SF3B3: variants seen among roughly 807,000 people sequenced by gnomAD.
The protein encoded by SF3B3 is splicing factor 3b subunit 3.
A neutral mutation model predicts 139.2 loss-of-function variants in SF3B3; 33 were observed. That is an observed-to-expected ratio of 0.24 (90% confidence interval 0.18 to 0.32). The LOEUF is 0.32. Ranked by LOEUF, SF3B3 falls within the 10% of genes least tolerant of loss-of-function variation. The probability of loss-of-function intolerance (pLI) is 1.00; values close to 1 mark genes in which losing one functional copy is unlikely to be tolerated. For synonymous variants in SF3B3, 596 were observed against 563.6 expected, an observed-to-expected ratio of 1.06 and a Z score of -0.81; for missense variants, 818 against 1,509.4, an observed-to-expected ratio of 0.54 and a Z score of 7.59.
chr16:70,563,956 T>G lies in SF3B3; in HGVS notation c.2369T>G (p.Ile790Ser). 1.9e-6 allele frequency: 3 copies of G among 1,614,128 alleles called. No individual in the cohort carries two copies. The highest frequency in any genetic ancestry group is 2.5e-6 in the Non-Finnish European group (3 of 1,180,000). Residue 790 changes from isoleucine to serine, a missense_variant, in exon 18 of 26, where the codon ATC becomes AGC. Ile to Ser is a moderately radical substitution (Grantham distance 142). Around this residue, in one of 14 missense-constraint regions of SF3B3, gnomAD observed 34 missense variants for 30.5 expected, o/e 1.12. Coordinates refer to ENST00000302516, the MANE Select transcript of SF3B3 (RefSeq NM_012426.5). ...PLQYTPRKFV[I>S]HPESNNLIII... ...CAGTACACACCCAGGAAATTTGTCATCCACCCTGAGAGTAACAACCTTATT... is the reference window on the plus strand; with the variant it reads ...CAGTACACACCCAGGAAATTTGTCAGCCACCCTGAGAGTAACAACCTTATT...
intron 20 of SF3B3, among the ~76,000 whole-genome samples, chr16:70,566,478 C>T (rs1444553504): frequency 6.6e-6 from 1 of 152,046 alleles, no homozygotes; most frequent in Non-Finnish European, 1.5e-5. Flanking sequence ...AGGAGAATCA[C>T]TTGAACCCAG....
chr16:70,533,798 ACTTAC>A (rs572410853), intron 5 of SF3B3, among the ~76,000 whole-genome samples: 97 of 152,308 alleles, frequency 6.4e-4, no homozygotes, highest in African/African-American at 2.2e-3. Context: ...AAAGGACAGC[ACTTAC>A]CTTTGTTAAT....
In SF3B3 at chr16:70,576,665, CTG is replaced by C. The variant is rs565097442; in HGVS notation, c.*4853_*4854del. The C allele has an allele frequency of 3.3e-4, 50 of 152,326 alleles. 1 individual carries two copies. The highest frequency in any genetic ancestry group is 1.2e-3 in the African/African-American group (48 of 41,564). 9.4% of individuals were successfully genotyped at this position (152,326 alleles called of 1,614,324 possible). ...CAGCTTTAGGGAGTCGATGATGTAA[CTG>C]GAGAAAGGCAATGCTGCCCTCATAA... is the stretch of plus-strand genomic sequence containing the variant. On this transcript the variant is annotated 3_prime_UTR_variant, in exon 26 of 26. Transcript: ENST00000302516.
intron 17 of SF3B3, 165 bp from the exon 18 acceptor site, chr16:70,563,711 T>G: frequency 1.6e-6 from 1 of 609,514 alleles, no homozygotes; most frequent in Admixed American, 3.1e-5. Context: ...TCTCTGTGTC[T>G]GCATCGCAGA....
At chr16:70,562,357 A>G (rs1224426618) in intron 17 of SF3B3, among the ~76,000 whole-genome samples, 2 of 152,200 alleles carry the variant, frequency 1.3e-5, no homozygotes, top group South Asian at 2.1e-4. Flanking sequence ...CATCCTGGTT[A>G]TAACTATTGG....
chr16:70,536,718 C>T (rs904054927), intron 6 of SF3B3, among the ~76,000 whole-genome samples: 1 of 151,900 alleles, frequency 6.6e-6, no homozygotes, highest in Non-Finnish European at 1.5e-5. Context: ...TCCCAAACTC[C>T]TGACCTCAAG....
At chr16:70,528,268 G>A (rs1434779878) in intron 2 of SF3B3, among the ~76,000 whole-genome samples, 1 of 148,352 alleles carries the variant, frequency 6.7e-6, no homozygotes, top group Non-Finnish European at 1.5e-5. Flanking sequence ...AGGTTCAAGC[G>A]ATTCTCCTGT....
rs972838513 is a variant in SF3B3, at chr16:70,538,436, C to G, written c.939C>G (p.Ile313Met). Residue 313 changes from isoleucine (I) to methionine (M), a missense_variant, in exon 7 of 26, where the codon ATC (isoleucine) becomes ATG (methionine). Transcript: ENST00000302516. ...CTGAGCAGGGAGATATCTTTAAGATCACTTTGGAGACAGATGAAGATATGG... is the reference window on the plus strand; with the variant it reads ...CTGAGCAGGGAGATATCTTTAAGATGACTTTGGAGACAGATGAAGATATGG... Reference protein sequence around the residue: ...AQTEQGDIFKITLETDEDMVT... With the variant: ...AQTEQGDIFKMTLETDEDMVT... 6.2e-7 allele frequency: 1 copy of G among 1,613,836 alleles called. No homozygotes were observed. The highest frequency in any genetic ancestry group is 8.5e-7 in the Non-Finnish European group (1 of 1,179,736).
At chr16:70,561,820 C>G in intron 17 of SF3B3, 36 bp downstream of exon 17, 1 of 1,591,436 alleles carries the variant, frequency 6.3e-7, no homozygotes. Context: ...CAGCAGGAAG[C>G]CTTTCTGCCA....
At chr16:70,568,111 A>G (rs77044590) in intron 21 of SF3B3, among the ~76,000 whole-genome samples, 172 bp from the exon 22 acceptor site, 312 of 152,336 alleles carry the variant, frequency 2.0e-3, no homozygotes, top group African/African-American at 6.5e-3. Context: ...TATTTGCACT[A>G]TATTAAAAGC....
Position 70,571,163 on chromosome 16 carries a change from C to G in SF3B3, c.3477C>G (p.Asp1159Glu). ...RSEHPPLCGR[D>E]HLSFRSYYFP... ...AACATCCCCCTCTCTGTGGGCGGGACCACCTCAGCTTTCGCTCCTACTACT... is the reference window on the plus strand; with the variant it reads ...AACATCCCCCTCTCTGTGGGCGGGAGCACCTCAGCTTTCGCTCCTACTACT... The change falls in exon 25 of 26, where the codon GAC becomes GAG. Residue 1159 changes from aspartate to glutamate, a missense_variant. Physicochemically the swap from Asp to Glu is conservative, Grantham distance 45. Coordinates refer to ENST00000302516, the MANE Select transcript of SF3B3 (RefSeq NM_012426.5). 1 of 1,613,794 alleles carries G rather than the reference C, an allele frequency of 6.2e-7. No individual in the cohort carries two copies.
At chr16:70,537,498 T>G (rs1027686801) in intron 6 of SF3B3, among the ~76,000 whole-genome samples, 1 of 152,222 alleles carries the variant, frequency 6.6e-6, no homozygotes, top group African/African-American at 2.4e-5. Flanking sequence ...CTCAATCCCC[T>G]GGATTATTTA....
At chr16:70,537,916 A>G (rs2050183312) in intron 6 of SF3B3, 1 of 422,496 alleles carries the variant, frequency 2.4e-6, no homozygotes, top group Non-Finnish European at 4.7e-6. Context: ...TTTAAAAGAA[A>G]AAAAATTCAA....
At chr16:70,561,911 G>A in intron 17 of SF3B3, 127 bp downstream of exon 17, 1 of 759,322 alleles carries the variant, frequency 1.3e-6, no homozygotes, top group South Asian at 1.9e-5. Context: ...TGAAGCTTGT[G>A]TGTTGCAATT....
chr16:70,565,340 T>G, intron 19 of SF3B3, 28 bp from the exon 20 acceptor site: 10 of 1,613,958 alleles, frequency 6.2e-6, no homozygotes, highest in Non-Finnish European at 8.5e-6. Flanking sequence ...GACTAAGGCC[T>G]TACTCTTGCT....
At chr16:70,537,382 ATGAATATCCCTCTTCCTGAGACTAG>A (rs905199446) in intron 6 of SF3B3, among the ~76,000 whole-genome samples, 3 of 152,166 alleles carry the variant, frequency 2.0e-5, no homozygotes, top group East Asian at 1.9e-4. Flanking sequence ...TTTGAGACTA[ATGAATATCCCTCTTCCTGAGACTAG>A]TGAATATCCC....
At position 70,571,192 on chromosome 16, in the gene SF3B3, C is replaced by A; in HGVS notation, c.3506C>A (p.Pro1169His). 1 of 1,607,020 alleles carries A rather than the reference C, an allele frequency of 6.2e-7. No homozygotes were observed. The highest frequency in any genetic ancestry group is 8.5e-7 in the Non-Finnish European group (1 of 1,173,548). Residue 1169 changes from proline (P) to histidine (H), a missense_variant, in exon 25 of 26, where the codon CCT becomes CAT. Coordinates refer to ENST00000302516, the MANE Select transcript of SF3B3 (RefSeq NM_012426.5). ...CTCAGCTTTCGCTCCTACTACTTCC[C>A]TGTGAAGGTAGGTTGGGGGAATCTG... ...DHLSFRSYYF[P>H]VKNVIDGDLC... is the part of the protein sequence containing the mutation.
At chr16:70,552,705 T>G (rs1459395246) in intron 11 of SF3B3, among the ~76,000 whole-genome samples, 1 of 152,240 alleles carries the variant, frequency 6.6e-6, no homozygotes, top group Non-Finnish European at 1.5e-5. Flanking sequence ...TCTTTAATCC[T>G]TGTTTTTCAG....
intron 1 of SF3B3, among the ~76,000 whole-genome samples, chr16:70,525,725 T>C (rs1378450168): frequency 1.3e-5 from 2 of 151,968 alleles, no homozygotes; most frequent in Non-Finnish European, 2.9e-5. Flanking sequence ...CCTAGCACTT[T>C]GGGAGGCGGA....
Sources: gnomAD v4.1 joint callset for allele counts (sites outside exome capture counted in the v4.1 genomes callset) on GRCh38, gnomAD v4.1.1 for gene constraint, gnomAD v4.1.1 regional missense constraint, MANE v1.5 for transcripts, NCBI Gene and HGNC (gene_info 2026-07-23, HGNC 2026-07-21) for gene names.